Variants in CCDC171 observed in about 807,000 individuals in gnomAD.
The protein encoded by CCDC171 is coiled-coil domain containing 171.
A neutral mutation model predicts 168.2 loss-of-function variants in CCDC171; 177 were observed. That is an observed-to-expected ratio of 1.05 (90% CI 0.93 to 1.19). The LOEUF is 1.19. Ranked by LOEUF, CCDC171 falls within the 50% of genes most tolerant of loss-of-function variation. CCDC171 has a pLI of 0.00. For missense variants in CCDC171, 1,991 were observed against 1,539.0 expected, an observed-to-expected ratio of 1.29 and a Z score of -4.91; for synonymous variants, 687 against 540.8, an observed-to-expected ratio of 1.27 and a Z score of -3.75.
At chr9:15,848,387 A>G (rs2060989496) in intron 22 of CCDC171, among the ~76,000 whole-genome samples, 1 of 151,930 alleles carries the variant, frequency 6.6e-6, no homozygotes, top group Non-Finnish European at 1.5e-5. Context: ...ATATTCCTAG[A>G]CAAGTCACAG....
chr9:15,637,870 T>G (rs1305270384), intron 7 of CCDC171, among the ~76,000 whole-genome samples: 3 of 152,086 alleles, frequency 2.0e-5, no homozygotes, highest in Non-Finnish European at 4.4e-5. Flanking sequence ...AGTCTATCCT[T>G]GTTGGACATT....
At chr9:15,596,178 G>C (rs996074692) in intron 6 of CCDC171, among the ~76,000 whole-genome samples, 1 of 152,116 alleles carries the variant, frequency 6.6e-6, no homozygotes, top group Admixed American at 6.6e-5. Flanking sequence ...TTTGGCTTTT[G>C]TTGCCATTGG....
chr9:16,053,869 T>A, intron 1 of CCDC171, among the ~76,000 whole-genome samples: 1 of 152,220 alleles, frequency 6.6e-6, no homozygotes, highest in Middle Eastern at 3.2e-3. Context: ...TGAGTAAATC[T>A]GAACATCTCT....
intron 11 of CCDC171, among the ~76,000 whole-genome samples, chr9:15,709,997 G>C (rs1433038678): frequency 6.6e-6 from 1 of 151,868 alleles, no homozygotes; most frequent in Admixed American, 6.6e-5. Context: ...GCATATCCCA[G>C]CTATTTCTGT....
chr9:15,917,336 G>T (rs1385776827), intron 24 of CCDC171, among the ~76,000 whole-genome samples: 2 of 151,828 alleles, frequency 1.3e-5, no homozygotes, highest in South Asian at 2.1e-4. Flanking sequence ...CCTGCTTTCT[G>T]TATTGATCAT....
At chr9:15,900,345 T>C (rs1037375483) in intron 24 of CCDC171, among the ~76,000 whole-genome samples, 5 of 152,168 alleles carry the variant, frequency 3.3e-5, no homozygotes, top group Non-Finnish European at 7.3e-5. Context: ...GTATGCCCTT[T>C]AGGGGCAGAG....
In CCDC171 at chr9:15,678,807, G is replaced by A. The variant is rs370605119; in HGVS notation, c.1126G>A (p.Glu376Lys). Residue 376 changes from glutamate (E) to lysine (K), a missense_variant, in exon 10 of 26, where the codon GAG becomes AAG. Transcript: ENST00000380701. ...AAATAAGAAACTAAATGAAGACATC[G>A]AGGAACAGAAGAAAGTAATTATAGA... Reference protein sequence around the residue: ...SKNKKLNEDIEEQKKVIIDLS... With the variant: ...SKNKKLNEDIKEQKKVIIDLS... 1.1e-4 allele frequency: 177 copies of A among 1,595,338 alleles called. No individual in the cohort carries two copies. The highest frequency in any genetic ancestry group is 1.7e-4 in the Middle Eastern group (1 of 5,878).
chr9:15,820,406 G>T lies in CCDC171; in HGVS notation c.3268-26296G>T, dbSNP rs576953652. 7.3e-3 allele frequency among the ~76,000 whole-genome samples: 837 copies of T among 115,122 alleles called. 128 individuals are homozygous for T. Among genetic ancestry groups the T allele is most frequent in the African/African-American group, 0.026 (794 of 30,016 alleles). 75.5% of individuals were successfully genotyped at this position (115,122 alleles called of 152,430 possible). ...AAAAAATCAATGAATCCAGGAGCTG[G>T]TTTTTTGAAAAGATCAACAAAATTG... On this transcript the variant is annotated intron_variant, in intron 21 of 25. Transcript: ENST00000380701.
chr9:15,900,076 C>G (rs1345600331), intron 24 of CCDC171, among the ~76,000 whole-genome samples: 1 of 152,030 alleles, frequency 6.6e-6, no homozygotes, highest in African/African-American at 2.4e-5. Flanking sequence ...TAAGATGACC[C>G]CTTTGTCCTT....
At chr9:15,627,201 C>T (rs1165815647) in intron 7 of CCDC171, among the ~76,000 whole-genome samples, 4 of 151,832 alleles carry the variant, frequency 2.6e-5, no homozygotes, top group Non-Finnish European at 5.9e-5. Flanking sequence ...TTTGATTCTT[C>T]TCTCTTTTCT....
chr9:15,890,101 G>A (rs963859750), intron 24 of CCDC171, among the ~76,000 whole-genome samples: 4 of 152,060 alleles, frequency 2.6e-5, no homozygotes, highest in Non-Finnish European at 5.9e-5. Context: ...ATTCAGTGAC[G>A]TACTGAGCAC....
chr9:15,664,361 G>A (rs954456851), intron 8 of CCDC171, among the ~76,000 whole-genome samples: 2 of 151,996 alleles, frequency 1.3e-5, no homozygotes, highest in Non-Finnish European at 2.9e-5. Flanking sequence ...TGATCTGCCC[G>A]CCTCTGTCCC....
At chr9:15,624,319 A>T (rs1307746600) in intron 7 of CCDC171, among the ~76,000 whole-genome samples, 4 of 151,242 alleles carry the variant, frequency 2.6e-5, no homozygotes, top group Non-Finnish European at 5.9e-5. Flanking sequence ...AAAATTAATT[A>T]ATTTTTTATT....
intron 7 of CCDC171, among the ~76,000 whole-genome samples, chr9:15,642,355 A>G (rs1396794432): frequency 1.0e-3 from 40 of 39,624 alleles, no homozygotes; most frequent in East Asian, 3.9e-3. Flanking sequence ...ATATATATAT[A>G]TATATATATA....
At position 15,744,375 on chromosome 9, in the gene CCDC171, T is replaced by C. The variant is rs148494699; in HGVS notation, c.2152T>C (p.Ser718Pro). Residue 718 changes from serine (S) to proline (P), a missense_variant, in exon 17 of 26, where the codon TCA becomes CCA. Transcript: ENST00000380701. ...LENSHFKKLL[S>P]QTQREQMSLL... ...AAATTCGCACTTCAAAAAACTGTTATCACAGACTCAAAGGGAACAGATGTC... is the reference window on the plus strand; with the variant it reads ...AAATTCGCACTTCAAAAAACTGTTACCACAGACTCAAAGGGAACAGATGTC... 7.4e-6 allele frequency: 12 copies of C among 1,614,164 alleles called. No homozygotes were observed. Among genetic ancestry groups the C allele is most frequent in the Non-Finnish European group, 8.5e-6 (10 of 1,180,010 alleles).
intron 21 of CCDC171, among the ~76,000 whole-genome samples, chr9:15,838,841 G>C (rs2060559653): frequency 1.3e-5 from 2 of 152,202 alleles, no homozygotes; most frequent in South Asian, 2.1e-4. Flanking sequence ...TACAGATGCT[G>C]TATTATTGAG....
rs377395161 is a variant in CCDC171, at chr9:15,820,388, C to T, written c.3268-26314C>T. 1.6e-3 allele frequency among the ~76,000 whole-genome samples: 180 copies of T among 115,302 alleles called. 47 individuals are homozygous for T. Among genetic ancestry groups the T allele is most frequent in the African/African-American group, 5.7e-3 (174 of 30,370 alleles). The allele number at this position is 115,302 out of a possible 152,430, so 75.6% of individuals were successfully genotyped here. ...AGGCACAAAAAACCCTTCAAAAAAT[C>T]AATGAATCCAGGAGCTGGTTTTTTG... On this transcript the variant is annotated intron_variant, in intron 21 of 25. Transcript: ENST00000380701.
At chr9:15,737,018 A>T (rs931255976) in intron 16 of CCDC171, among the ~76,000 whole-genome samples, 5 of 152,132 alleles carry the variant, frequency 3.3e-5, no homozygotes, top group Non-Finnish European at 7.4e-5. Context: ...AAAAATCTAA[A>T]TAGTGCTACA....
intron 3 of CCDC171, among the ~76,000 whole-genome samples, chr9:15,999,254 AAGAG>A (rs1279084861): frequency 1.3e-5 from 2 of 151,180 alleles, no homozygotes; most frequent in Admixed American, 6.6e-5. Context: ...AAAAGAAAGA[AAGAG>A]AGAAAGAGAA....
Sources: gnomAD v4.1 joint callset for allele counts (sites outside exome capture counted in the v4.1 genomes callset) on GRCh38, gnomAD v4.1.1 for gene constraint, MANE v1.5 for transcripts, NCBI Gene and HGNC (gene_info 2026-07-23, HGNC 2026-07-21) for gene names.